The following SDC2 variants were observed in gnomAD, a reference collection of about 807,000 sequenced individuals.
SDC2 encodes the protein syndecan 2, also known as syndecan-2.
Under a neutral mutation model 22.2 loss-of-function variants are expected in SDC2, and 13 were observed. The ratio of observed to expected loss-of-function variants is 0.59; its 90% CI spans 0.38 to 0.93. The LOEUF (loss-of-function observed/expected upper bound fraction) is 0.93, where lower values mean the gene tolerates loss of function less well. Ranked by LOEUF, SDC2 falls within the 40% of genes least tolerant of loss-of-function variation. SDC2 has a pLI of 0.00. For synonymous variants in SDC2, 94 were observed against 92.8 expected, an observed-to-expected ratio of 1.01 and a Z score of -0.07; for missense variants, 235 against 246.8, an observed-to-expected ratio of 0.95 and a Z score of 0.32.
chr8:96,520,640 CAAG>C (rs1381186081), intron 1 of SDC2, among the ~76,000 whole-genome samples: 1 of 152,190 alleles, frequency 6.6e-6, no homozygotes, highest in African/African-American at 2.4e-5. Flanking sequence ...GTTGAATCCA[CAAG>C]AAGATGTTGT....
chr8:96,574,212 T>C (rs1430818557), intron 1 of SDC2, among the ~76,000 whole-genome samples: 1 of 151,968 alleles, frequency 6.6e-6, no homozygotes, highest in African/African-American at 2.4e-5. Flanking sequence ...TCTCTAGCCT[T>C]TCTAAGGGGT....
At chr8:96,605,551 G>A (rs973567518) in intron 3 of SDC2, among the ~76,000 whole-genome samples, 5 of 152,188 alleles carry the variant, frequency 3.3e-5, no homozygotes, top group African/African-American at 1.2e-4. Context: ...AAGGCCTGTC[G>A]TATTTCCTTC....
intron 1 of SDC2, among the ~76,000 whole-genome samples, chr8:96,552,824 C>G (rs1322551063): frequency 6.6e-6 from 1 of 152,114 alleles, no homozygotes; most frequent in East Asian, 1.9e-4. Context: ...TACTTCCCCT[C>G]CCCCAGGTTA....
chr8:96,538,833 C>G, intron 1 of SDC2: 1 of 98,788 alleles, frequency 1.0e-5, no homozygotes, highest in Admixed American at 9.4e-5. Flanking sequence ...TGGGCTGTCC[C>G]GTATTGAGTC....
At chr8:96,535,503 A>G (rs1281555611) in intron 1 of SDC2, among the ~76,000 whole-genome samples, 1 of 152,254 alleles carries the variant, frequency 6.6e-6, no homozygotes, top group Non-Finnish European at 1.5e-5. Flanking sequence ...CAAGAGGAAT[A>G]AAAGAGGCTT....
chr8:96,606,201 G>A (rs1445883711), intron 3 of SDC2, among the ~76,000 whole-genome samples: 2 of 152,068 alleles, frequency 1.3e-5, no homozygotes, highest in African/African-American at 2.4e-5. Context: ...ATAGCTCACC[G>A]CAGCCTCCAA....
At chr8:96,513,791 T>TA (rs1813362737) in intron 1 of SDC2, among the ~76,000 whole-genome samples, 1 of 152,156 alleles carries the variant, frequency 6.6e-6, no homozygotes, top group Admixed American at 6.5e-5. Flanking sequence ...AAAGCCTTTC[T>TA]AAGAGGCAGT....
chr8:96,494,140 C>T lies in SDC2; in HGVS notation c.-132C>T, dbSNP rs1424446439. 3.0e-5 allele frequency: 28 copies of T among 933,808 alleles called. No individual in the cohort carries two copies. Among genetic ancestry groups the T allele is most frequent in the Non-Finnish European group, 3.9e-5 (25 of 643,262 alleles). 57.8% of individuals were successfully genotyped at this position (933,808 alleles called of 1,614,324 possible). ...CCCCCGAGCCCCGAGCCCGAGTCCCCGAGCCTGAGCCGCAATCGCTGCGGT... is the reference window on the plus strand; with the variant it reads ...CCCCCGAGCCCCGAGCCCGAGTCCCTGAGCCTGAGCCGCAATCGCTGCGGT... On this transcript the variant is annotated 5_prime_UTR_variant, in exon 1 of 5. Transcript: ENST00000302190.
intron 1 of SDC2, among the ~76,000 whole-genome samples, chr8:96,518,570 G>A (rs1813445857): frequency 1.3e-5 from 2 of 152,196 alleles, no homozygotes; most frequent in South Asian, 2.1e-4. Context: ...ATGTTGGCCA[G>A]ATGGTCTTGA....
chr8:96,532,890 C>T (rs1379809249), intron 1 of SDC2, among the ~76,000 whole-genome samples: 1 of 152,168 alleles, frequency 6.6e-6, no homozygotes, highest in Non-Finnish European at 1.5e-5. Flanking sequence ...CCACATTTTT[C>T]TGAGTTCATC....
intron 3 of SDC2, among the ~76,000 whole-genome samples, chr8:96,607,651 T>C (rs189443292): frequency 6.6e-6 from 1 of 152,258 alleles, no homozygotes; most frequent in East Asian, 1.9e-4. Context: ...GGTATTCCCA[T>C]AGATTTCTGC....
intron 1 of SDC2, among the ~76,000 whole-genome samples, chr8:96,494,698 G>GA (rs1222173732): frequency 1.3e-5 from 2 of 152,118 alleles, no homozygotes; most frequent in Non-Finnish European, 2.9e-5. Flanking sequence ...TCGGGCCCGC[G>GA]AGGGAACGGC....
Position 96,594,192 on chromosome 8 carries a change from C to T in SDC2, c.172+601C>T, listed in dbSNP as rs148201514. Among the ~76,000 whole-genome samples, 289 of 152,190 alleles carry T rather than the reference C, an allele frequency of 1.9e-3. 2 individuals are homozygous for T. The highest frequency in any genetic ancestry group is 6.4e-3 in the African/African-American group (267 of 41,508). On this transcript the variant is annotated intron_variant, in intron 2 of 4. Coordinates refer to ENST00000302190, the MANE Select transcript of SDC2 (RefSeq NM_002998.4). The stretch of plus-strand genomic sequence containing the variant: ...TCTAAGGCTACATAATAAACCACCC[C>T]AAAACTTGGTGGCTTAAAGTAACAG...
At chr8:96,580,304 A>T (rs1814569275) in intron 1 of SDC2, 1 of 798,704 alleles carries the variant, frequency 1.3e-6, no homozygotes, top group Non-Finnish European at 1.5e-6. Context: ...ATTTTTCTAC[A>T]GGCAGAGTGT....
intron 1 of SDC2, among the ~76,000 whole-genome samples, chr8:96,522,316 G>C (rs1435231961): frequency 1.3e-5 from 2 of 151,992 alleles, no homozygotes; most frequent in Admixed American, 1.3e-4. Context: ...TTTATTGTTG[G>C]ATGAGCTTTT....
chr8:96,525,593 C>A (rs1182439413), intron 1 of SDC2, among the ~76,000 whole-genome samples: 1 of 152,242 alleles, frequency 6.6e-6, no homozygotes, highest in South Asian at 2.1e-4. Context: ...GTGACAAAAC[C>A]TTCTTCAGCT....
chr8:96,593,396 T>G, intron 1 of SDC2, 84 bp from the exon 2 acceptor site: 1 of 862,508 alleles, frequency 1.2e-6, no homozygotes, highest in Non-Finnish European at 1.9e-6. Flanking sequence ...GGGTAGTCAC[T>G]GCAGTATGTA....
intron 1 of SDC2, among the ~76,000 whole-genome samples, chr8:96,534,490 A>C (rs1179409812): frequency 6.6e-6 from 1 of 152,152 alleles, no homozygotes; most frequent in Non-Finnish European, 1.5e-5. Context: ...GCTGGAGTAC[A>C]GTGATGCGAT....
chr8:96,597,143 G>C (rs918129583), intron 2 of SDC2, among the ~76,000 whole-genome samples: 1 of 152,180 alleles, frequency 6.6e-6, no homozygotes, highest in Admixed American at 6.5e-5. Context: ...GGGGCTGGGG[G>C]TACCTTATGT....
Sources: gnomAD v4.1 joint callset for allele counts (sites outside exome capture counted in the v4.1 genomes callset) on GRCh38, gnomAD v4.1.1 for gene constraint, MANE v1.5 for transcripts, NCBI Gene and HGNC (gene_info 2026-07-23, HGNC 2026-07-21) for gene names.